The following SAMD5 variants were observed in gnomAD, a reference collection of about 807,000 sequenced individuals.
The protein encoded by SAMD5 is sterile alpha motif domain-containing protein 5.
Under a neutral mutation model 11.3 loss-of-function variants are expected in SAMD5, and 13 were observed. The observed-to-expected ratio is 1.15, with a 90% confidence interval of 0.75 to 1.83. The LOEUF is 1.83. Among genes scored for constraint, SAMD5 ranks in the 40% most tolerant of loss-of-function variants. The pLI, the probability that SAMD5 is intolerant of heterozygous loss-of-function variation, is 0.00. For synonymous variants in SAMD5, 129 were observed against 111.3 expected, an observed-to-expected ratio of 1.16 and a Z score of -1.00; for missense variants, 255 against 239.1, an observed-to-expected ratio of 1.07 and a Z score of -0.44.
chr6:147,692,958 A>G (rs996647605), intron 1 of SAMD5, among the ~76,000 whole-genome samples: 4 of 152,244 alleles, frequency 2.6e-5, no homozygotes, highest in Non-Finnish European at 5.9e-5. Flanking sequence ...GGGAGTGGGG[A>G]AAGATGACAG....
At chr6:147,891,923 A>C in the SAMD5 span, among the ~76,000 whole-genome samples, 2 of 152,302 alleles carry the variant, frequency 1.3e-5, no homozygotes, top group Admixed American at 6.5e-5. Flanking sequence ...GCCCTCCTGC[A>C]GATTCTGGGT....
chr6:147,909,254 G>A, the SAMD5 span, among the ~76,000 whole-genome samples: 1 of 152,156 alleles, frequency 6.6e-6, no homozygotes, highest in Non-Finnish European at 1.5e-5. Context: ...CCATCAATCT[G>A]TGAATGTGTT....
chr6:147,700,590 CAT>C (rs34695460), intron 1 of SAMD5, among the ~76,000 whole-genome samples: 65,573 of 151,934 alleles, frequency 0.43, 16,774 homozygotes, highest in Admixed American at 0.57. Flanking sequence ...GCCCTGTCCA[CAT>C]GTGTTTTATT....
At chr6:147,592,893 A>G (rs117049328) in intron 1 of SAMD5, among the ~76,000 whole-genome samples, 602 of 152,268 alleles carry the variant, frequency 4.0e-3, no homozygotes, top group Non-Finnish European at 7.2e-3. Flanking sequence ...TTCATCCACC[A>G]TTGAGATCTT....
chr6:147,929,510 A>G, the SAMD5 span, among the ~76,000 whole-genome samples: 1,861 of 152,312 alleles, frequency 0.012, 39 homozygotes, highest in African/African-American at 0.042. Flanking sequence ...TAACATGCAT[A>G]TATTTTTAAA....
Position 147,711,691 on chromosome 6 carries a change from C to T in SAMD5, c.163-25626C>T, listed in dbSNP as rs1460225677. On this transcript the variant is annotated intron_variant, in intron 1 of 1. Transcript: ENST00000566741. This position sits in a 1 kb window ranked among gnomAD's most constrained non-coding sequence, Gnocchi z 4.1. The stretch of plus-strand genomic sequence containing the variant: ...AAGGGGTCATTGCTGAATTTGTAAT[C>T]AGATTGTAATGAATTTCAGCTGAAG... Among the ~76,000 whole-genome samples the T allele has an allele frequency of 1.3e-5, 2 of 152,148 alleles. No homozygotes were observed. The highest frequency in any genetic ancestry group is 2.9e-5 in the Non-Finnish European group (2 of 68,030).
intron 1 of SAMD5, among the ~76,000 whole-genome samples, chr6:147,712,274 C>T (rs958291857): frequency 5.3e-5 from 8 of 152,144 alleles, no homozygotes; most frequent in Non-Finnish European, 1.2e-4. Flanking sequence ...ACTTCTGTGC[C>T]ACCACTCACA....
chr6:147,599,793 T>C (rs748061520), intron 1 of SAMD5, among the ~76,000 whole-genome samples: 1 of 152,224 alleles, frequency 6.6e-6, no homozygotes, highest in Non-Finnish European at 1.5e-5. Flanking sequence ...TCATTGGCTG[T>C]TTCTCAGTTA....
intron 1 of SAMD5, among the ~76,000 whole-genome samples, chr6:147,720,380 G>A (rs1043383295): frequency 6.6e-6 from 1 of 151,936 alleles, no homozygotes; most frequent in Non-Finnish European, 1.5e-5. Flanking sequence ...GGAGAATGGC[G>A]GGAACCCAGG....
At chr6:147,682,811 A>G (rs1324650086) in intron 1 of SAMD5, among the ~76,000 whole-genome samples, 1 of 152,142 alleles carries the variant, frequency 6.6e-6, no homozygotes, top group Non-Finnish European at 1.5e-5. Flanking sequence ...GAGTTGATAT[A>G]TAGTTGATGT....
At chr6:147,571,347 A>G (rs1789136266), downstream of SAMD5, among the ~76,000 whole-genome samples, 2 of 152,202 alleles carry the variant, frequency 1.3e-5, no homozygotes, top group African/African-American at 4.8e-5. Flanking sequence ...CTTTGAAAAC[A>G]TCTTTCATCT....
At chr6:147,524,205 T>C (rs1369477376) in intron 1 of SAMD5, among the ~76,000 whole-genome samples, 1 of 151,826 alleles carries the variant, frequency 6.6e-6, no homozygotes, top group Admixed American at 6.6e-5. Flanking sequence ...ACTCTTCCGC[T>C]CTTCTTCTGA....
At chr6:147,771,733 G>A in the SAMD5 span, among the ~76,000 whole-genome samples, 1 of 152,128 alleles carries the variant, frequency 6.6e-6, no homozygotes. Context: ...TGGGTCACTG[G>A]TGTCTTTCTC....
intron 1 of SAMD5, among the ~76,000 whole-genome samples, chr6:147,620,363 T>C (rs1451219780): frequency 1.3e-5 from 2 of 152,210 alleles, no homozygotes; most frequent in Non-Finnish European, 2.9e-5. Context: ...CCAGCTTTGA[T>C]CACTTCTCTA....
In SAMD5 at chr6:147,508,844, G is replaced by T. The variant is rs1181220431; in HGVS notation, c.-85G>T. 1.3e-6 allele frequency: 2 copies of T among 1,514,328 alleles called. No homozygotes were observed. The highest frequency in any genetic ancestry group is 2.9e-5 in the African/African-American group (2 of 69,668). 93.8% of individuals were successfully genotyped at this position (1,514,328 alleles called of 1,614,324 possible). On this transcript the variant is annotated 5_prime_UTR_variant, in exon 1 of 2. Coordinates refer to ENST00000367474, the MANE Select transcript of SAMD5 (RefSeq NM_001030060.3). ...GCGATACCCTTTTCCCCTTGGAGGA[G>T]AGGATTAAAAGTTCCAAGAACTGGT...
At chr6:147,649,500 AG>A (rs1583123727) in intron 1 of SAMD5, among the ~76,000 whole-genome samples, 1 of 152,236 alleles carries the variant, frequency 6.6e-6, no homozygotes, top group African/African-American at 2.4e-5. Flanking sequence ...AGTTAATAAA[AG>A]TATAAACAAG....
chr6:147,644,950 A>T (rs542659499), intron 1 of SAMD5, among the ~76,000 whole-genome samples: 1 of 152,298 alleles, frequency 6.6e-6, no homozygotes, highest in Admixed American at 6.5e-5. Context: ...GTTGAAGCAT[A>T]CTGGTTGTGG....
At chr6:147,686,200 C>A (rs140862152) in intron 1 of SAMD5, among the ~76,000 whole-genome samples, 1 of 152,114 alleles carries the variant, frequency 6.6e-6, no homozygotes, top group East Asian at 1.9e-4. Context: ...ATTAGTATTT[C>A]TTTGGTCATA....
At chr6:147,584,832 T>C (rs183492706) in intron 1 of SAMD5, among the ~76,000 whole-genome samples, 61 of 152,272 alleles carry the variant, frequency 4.0e-4, no homozygotes, top group Non-Finnish European at 5.1e-4. Flanking sequence ...ATGGCAAATA[T>C]GTTACCAGCT....
Sources: allele counts gnomAD v4.1 joint callset (sites outside exome capture counted in the v4.1 genomes callset), GRCh38; gene constraint gnomAD v4.1.1; non-coding constraint Gnocchi (gnomAD v3.1); transcripts MANE v1.5; gene names NCBI Gene and HGNC (gene_info 2026-07-23, HGNC 2026-07-21).